The following CNTN5 variants were observed in gnomAD, a reference collection of about 807,000 sequenced individuals.
The protein encoded by CNTN5 is contactin-5.
Under a neutral mutation model 129.1 loss-of-function variants are expected in CNTN5, and 77 were observed. The observed-to-expected ratio is 0.60, with a 90% confidence interval of 0.50 to 0.72. The LOEUF (loss-of-function observed/expected upper bound fraction) is 0.72, where lower values mean the gene tolerates loss of function less well. Among genes scored for constraint, CNTN5 ranks in the 30% least tolerant of loss-of-function variants. The pLI is 0.00. For missense variants in CNTN5, 1,478 were observed against 1,328.8 expected (o/e 1.11, Z -1.75); for synonymous variants, 509 against 465.6 (o/e 1.09, Z -1.20).
intron 2 of CNTN5, among the ~76,000 whole-genome samples, chr11:99,538,682 G>GT (rs1488711327): frequency 1.3e-5 from 2 of 152,074 alleles, no homozygotes; most frequent in Non-Finnish European, 2.9e-5. Flanking sequence ...TTAAACCACT[G>GT]TAACTGTTTT....
At chr11:99,327,865 A>T (rs1190670058) in intron 2 of CNTN5, among the ~76,000 whole-genome samples, 1 of 152,144 alleles carries the variant, frequency 6.6e-6, no homozygotes, top group East Asian at 1.9e-4. Flanking sequence ...GAAATGTTTC[A>T]CTCAATAACT....
At chr11:100,096,836 G>A (rs565464941) in intron 13 of CNTN5, among the ~76,000 whole-genome samples, 5 of 152,188 alleles carry the variant, frequency 3.3e-5, no homozygotes, top group Non-Finnish European at 7.4e-5. Flanking sequence ...AGGAAAACAT[G>A]AATTTACATC....
chr11:100,056,541 G>A (rs745548743), intron 9 of CNTN5, among the ~76,000 whole-genome samples: 1 of 151,546 alleles, frequency 6.6e-6, no homozygotes, highest in Non-Finnish European at 1.5e-5. Context: ...ATTGTATTTG[G>A]TAAAGGATAA....
At chr11:99,454,181 C>T (rs1304421396) in intron 2 of CNTN5, among the ~76,000 whole-genome samples, 1 of 151,466 alleles carries the variant, frequency 6.6e-6, no homozygotes, top group Non-Finnish European at 1.5e-5. Context: ...TCAAAATATA[C>T]CAATAAAGGA....
chr11:100,319,332 T>C (rs1951637053), intron 21 of CNTN5, among the ~76,000 whole-genome samples: 1 of 151,964 alleles, frequency 6.6e-6, no homozygotes, highest in Non-Finnish European at 1.5e-5. Flanking sequence ...TTTGTATTTT[T>C]AGTAGGGATC....
chr11:99,773,741 A>G (rs908102325), intron 3 of CNTN5, among the ~76,000 whole-genome samples: 1 of 152,088 alleles, frequency 6.6e-6, no homozygotes, highest in African/African-American at 2.4e-5. Context: ...CTATCTGAGT[A>G]TGATTTTCCT....
chr11:100,257,658 G>A (rs1950103924), intron 17 of CNTN5, among the ~76,000 whole-genome samples: 1 of 152,258 alleles, frequency 6.6e-6, no homozygotes, highest in African/African-American at 2.4e-5. Context: ...GGTCTGAAGT[G>A]GACCTCCAGC....
At chr11:99,401,492 T>G (rs1941805879) in intron 2 of CNTN5, among the ~76,000 whole-genome samples, 1 of 152,170 alleles carries the variant, frequency 6.6e-6, no homozygotes, top group South Asian at 2.1e-4. Context: ...TATACCTCTG[T>G]AGTATAATTT....
At chr11:99,257,008 G>A (rs975798012) in intron 1 of CNTN5, among the ~76,000 whole-genome samples, 5 of 152,036 alleles carry the variant, frequency 3.3e-5, no homozygotes, top group Admixed American at 3.3e-4. Context: ...TACTGATTAA[G>A]CTCTTTGCCC....
intron 3 of CNTN5, among the ~76,000 whole-genome samples, chr11:99,615,798 A>G (rs941751203): frequency 4.0e-5 from 6 of 150,350 alleles, no homozygotes; most frequent in African/African-American, 9.8e-5. Context: ...GTCTCATTCT[A>G]TTGTCCAGGC....
At chr11:100,068,375 C>T (rs1171170655) in intron 10 of CNTN5, among the ~76,000 whole-genome samples, 1 of 152,110 alleles carries the variant, frequency 6.6e-6, no homozygotes, top group Admixed American at 6.6e-5. Flanking sequence ...ATACCTCTTA[C>T]TTAATTTAGA....
At chr11:99,748,819 G>T (rs561408935) in intron 3 of CNTN5, among the ~76,000 whole-genome samples, 66 of 152,264 alleles carry the variant, frequency 4.3e-4, no homozygotes, top group Non-Finnish European at 6.0e-4. Context: ...CACTGGTAAA[G>T]GCAAATCTTC....
At chr11:100,069,686 ATGT>A (rs1943831334) in intron 10 of CNTN5, among the ~76,000 whole-genome samples, 1 of 152,146 alleles carries the variant, frequency 6.6e-6, no homozygotes, top group African/African-American at 2.4e-5. Flanking sequence ...TTTGCCAAAA[ATGT>A]TGTTAGAAAT....
At chr11:99,036,907 C>G (rs1270217824) in intron 1 of CNTN5, among the ~76,000 whole-genome samples, 5 of 152,138 alleles carry the variant, frequency 3.3e-5, no homozygotes, top group South Asian at 4.1e-4. Context: ...TTTTCCTAGT[C>G]CCTTTACATA....
chr11:99,173,446 T>A (rs1008856017), intron 1 of CNTN5, among the ~76,000 whole-genome samples: 7 of 152,208 alleles, frequency 4.6e-5, no homozygotes, highest in African/African-American at 1.7e-4. Context: ...TCTCTATATG[T>A]TCCACAATAT....
At chr11:99,788,780 A>G (rs1451704184) in intron 3 of CNTN5, among the ~76,000 whole-genome samples, 3 of 151,948 alleles carry the variant, frequency 2.0e-5, no homozygotes, top group Non-Finnish European at 4.4e-5. Context: ...TAGAGATAGT[A>G]AAAAACTTAG....
intron 9 of CNTN5, 47 bp from the exon 10 acceptor site, chr11:100,061,165 C>T (rs766732623): frequency 2.1e-6 from 3 of 1,441,974 alleles, no homozygotes; most frequent in Non-Finnish European, 2.9e-6. Flanking sequence ...AATCTATGTT[C>T]CTAACAGTGG....
chr11:99,926,781 T>G (rs895378869), intron 7 of CNTN5, among the ~76,000 whole-genome samples: 2 of 152,134 alleles, frequency 1.3e-5, no homozygotes, highest in African/African-American at 4.8e-5. Flanking sequence ...AGATCTTTAT[T>G]CTGTGAGAGT....
chr11:99,563,120 G>A (rs1290800636), intron 3 of CNTN5, among the ~76,000 whole-genome samples: 2 of 152,200 alleles, frequency 1.3e-5, no homozygotes, highest in South Asian at 2.1e-4. Context: ...TTTGGGAAAC[G>A]GTGGGAAAGA....
Sources: allele counts gnomAD v4.1 joint callset (sites outside exome capture counted in the v4.1 genomes callset), GRCh38; gene constraint gnomAD v4.1.1; transcripts MANE v1.5; gene names NCBI Gene and HGNC (gene_info 2026-07-23, HGNC 2026-07-21).